The following UGT2A2 variants were observed in gnomAD, a reference collection of about 807,000 sequenced individuals.
UGT2A2 encodes the protein UDP-glucuronosyltransferase 2A2.
Under a neutral mutation model 50.7 loss-of-function variants are expected in UGT2A2, and 60 were observed. The observed-to-expected ratio is 1.18, with a 90% CI of 0.96 to 1.47. The LOEUF (loss-of-function observed/expected upper bound fraction) is 1.47. Ranked by LOEUF, UGT2A2 falls within the 40% of genes most tolerant of loss-of-function variation. The pLI is 0.00. For synonymous variants in UGT2A2, 242 were observed against 214.6 expected (o/e 1.13, Z -1.11); for missense variants, 762 against 634.0 (o/e 1.20, Z -2.17).
At chr4:69,606,932 T>C (rs2109907062) in intron 1 of UGT2A2, among the ~76,000 whole-genome samples, 1 of 136,204 alleles carries the variant, frequency 7.3e-6, no homozygotes, top group East Asian at 2.1e-4. Flanking sequence ...TACAAACAAA[T>C]GGAAGAACAT....
intron 1 of UGT2A2, among the ~76,000 whole-genome samples, chr4:69,607,218 G>GCATGGTACTGGTACCAAA (rs1553904403): frequency 4.7e-5 from 7 of 150,144 alleles, no homozygotes; most frequent in Admixed American, 6.6e-5. Flanking sequence ...TACCAAAACA[G>GCATGGTACTGGTACCAAA]AGATAAAGAC....
chr4:69,635,733 G>GGAGAATCGCTTGAACCC (rs1721643127), intron 1 of UGT2A2: 1 of 248,254 alleles, frequency 4.0e-6, no homozygotes, highest in African/African-American at 2.4e-5. Flanking sequence ...AGGCTGAGGC[G>GGAGAATCGCTTGAACCC]GGAGAATCGC....
At chr4:69,617,647 G>T (rs1357832329) in intron 1 of UGT2A2, among the ~76,000 whole-genome samples, 1 of 151,652 alleles carries the variant, frequency 6.6e-6, no homozygotes, top group African/African-American at 2.4e-5. Flanking sequence ...AGTTTAAGTA[G>T]ATTTCATTAG....
At chr4:69,599,838 A>T (rs1719164176) in intron 1 of UGT2A2, 1 of 154,364 alleles carries the variant, frequency 6.5e-6, no homozygotes, top group African/African-American at 2.4e-5. Flanking sequence ...TAATTTCACA[A>T]TAATAAATCA....
intron 1 of UGT2A2, among the ~76,000 whole-genome samples, chr4:69,617,141 CTA>C (rs1012448222): frequency 2.2e-4 from 33 of 151,946 alleles, no homozygotes; most frequent in African/African-American, 7.9e-4. Context: ...CAACAATAAA[CTA>C]TGTGTAAAAG....
intron 5 of UGT2A2, among the ~76,000 whole-genome samples, chr4:69,590,122 G>A (rs778348413): frequency 1.3e-5 from 2 of 152,186 alleles, no homozygotes; most frequent in Non-Finnish European, 2.9e-5. Context: ...TAAGATGTAG[G>A]CATTGTGATA....
At chr4:69,620,077 A>G (rs1720653778) in intron 1 of UGT2A2, among the ~76,000 whole-genome samples, 1 of 152,064 alleles carries the variant, frequency 6.6e-6, no homozygotes, top group Non-Finnish European at 1.5e-5. Context: ...ACTGGCAAAG[A>G]CAAGTATGCC....
At chr4:69,601,361 T>C (rs1341879856) in intron 1 of UGT2A2, among the ~76,000 whole-genome samples, 1 of 152,084 alleles carries the variant, frequency 6.6e-6, no homozygotes, top group Non-Finnish European at 1.5e-5. Context: ...GACAGAGAAT[T>C]TGGGGAGCTC....
At position 69,615,135 on chromosome 4, in the gene UGT2A2, G is replaced by A. The variant is rs527421326; in HGVS notation, c.743-15741C>T. On this transcript the variant is annotated intron_variant, in intron 1 of 5. Transcript: ENST00000604629. ...GAATTACAATTCAACATGAGATTTGGATGAGGACACAGGAGACAAACCATA... is the reference window on the plus strand; with the variant it reads ...GAATTACAATTCAACATGAGATTTGAATGAGGACACAGGAGACAAACCATA... 2.6e-5 allele frequency among the ~76,000 whole-genome samples: 4 copies of A among 152,038 alleles called. No homozygotes were observed. The South Asian group carries it at 6.2e-4, about 24-fold the overall frequency.
chr4:69,627,781 T>C (rs1344476403), intron 1 of UGT2A2, among the ~76,000 whole-genome samples: 1 of 151,886 alleles, frequency 6.6e-6, no homozygotes, highest in African/African-American at 2.4e-5. Context: ...AAATATAAAA[T>C]ATTAATATCA....
At chr4:69,629,483 T>A (rs1721267091) in intron 1 of UGT2A2, among the ~76,000 whole-genome samples, 2 of 152,060 alleles carry the variant, frequency 1.3e-5, no homozygotes, top group South Asian at 4.2e-4. Context: ...TAGTTTATGT[T>A]ATCAATGTGA....
In UGT2A2 at chr4:69,605,508, A is replaced by T. The variant is rs998651289; in HGVS notation, c.743-6114T>A. ...TTGACACCCCAACATCACAATTGAAAGAACTAGAGAAGCAAGAGCATAACA... is the reference window on the plus strand; with the variant it reads ...TTGACACCCCAACATCACAATTGAATGAACTAGAGAAGCAAGAGCATAACA... On this transcript the variant is annotated intron_variant, in intron 1 of 5. Coordinates refer to ENST00000604629, the MANE Select transcript of UGT2A2 (RefSeq NM_001105677.2). 9.5e-5 allele frequency among the ~76,000 whole-genome samples: 13 copies of T among 136,902 alleles called. 1 individual carries two copies. The highest frequency in any genetic ancestry group is 3.8e-4 in the African/African-American group (13 of 33,770). The allele number at this position is 136,902 out of a possible 152,430, so 89.8% of individuals were successfully genotyped here. A position where few individuals can be genotyped will look rare whatever the true frequency, so the allele number is the denominator to read the frequency against.
At chr4:69,603,827 A>C (rs1031112718) in intron 1 of UGT2A2, among the ~76,000 whole-genome samples, 1 of 137,102 alleles carries the variant, frequency 7.3e-6, no homozygotes, top group African/African-American at 3.0e-5. Context: ...GTGATGGAAG[A>C]TCAAATGAAT....
intron 1 of UGT2A2, among the ~76,000 whole-genome samples, chr4:69,618,354 C>G (rs1333149332): frequency 2.5e-5 from 2 of 80,380 alleles, no homozygotes; most frequent in Non-Finnish European, 6.0e-5. Flanking sequence ...GGAACTCATA[C>G]TAATCAATCT....
At chr4:69,590,035 A>G (rs997688447) in intron 5 of UGT2A2, among the ~76,000 whole-genome samples, 5 of 152,214 alleles carry the variant, frequency 3.3e-5, no homozygotes, top group Non-Finnish European at 5.9e-5. Context: ...ACATAAACAT[A>G]TCCTCTAGTG....
In UGT2A2 at chr4:69,588,504, ATTT is replaced by A. The variant is rs1181783948; in HGVS notation, c.*865_*867del. On this transcript the variant is annotated 3_prime_UTR_variant, in exon 6 of 6. Transcript: ENST00000604629. ...TGATTATATATTATGAACATTAGTG[ATTT>A]TTAAGCATAATTAATTGATGTTTTA... 1 of 152,090 alleles carries A rather than the reference ATTT, an allele frequency of 6.6e-6. No homozygotes were observed. The highest frequency in any genetic ancestry group is 1.9e-4 in the East Asian group (1 of 5,188). 9.4% of individuals were successfully genotyped at this position (152,090 alleles called of 1,614,324 possible). A position where few individuals can be genotyped will look rare whatever the true frequency, so the allele number is the denominator to read the frequency against.
chr4:69,606,882 T>C (rs1327384603), intron 1 of UGT2A2, among the ~76,000 whole-genome samples: 1 of 135,290 alleles, frequency 7.4e-6, no homozygotes, highest in East Asian at 2.1e-4. Flanking sequence ...AAGGACCTCT[T>C]CAAGAACTAC....
intron 1 of UGT2A2, among the ~76,000 whole-genome samples, chr4:69,631,792 C>T (rs1288219620): frequency 2.6e-5 from 4 of 152,098 alleles, no homozygotes. Context: ...TCCACTGATG[C>T]TGGGATACCA....
At chr4:69,598,811 C>T (rs1308035689) in intron 2 of UGT2A2, among the ~76,000 whole-genome samples, 1 of 152,034 alleles carries the variant, frequency 6.6e-6, no homozygotes, top group Admixed American at 6.6e-5. Flanking sequence ...CATTGTCTTT[C>T]TTCAATAATG....
Sources: allele counts gnomAD v4.1 joint callset (sites outside exome capture counted in the v4.1 genomes callset), GRCh38; gene constraint gnomAD v4.1.1; transcripts MANE v1.5; gene names NCBI Gene and HGNC (gene_info 2026-07-23, HGNC 2026-07-21).